Variants in FXYD3 observed in about 807,000 individuals in gnomAD.
FXYD3 encodes the protein FXYD domain containing ion transport regulator 3.
A neutral mutation model predicts 19.2 loss-of-function variants in FXYD3; 13 were observed. That is an observed-to-expected ratio of 0.68 (90% confidence interval 0.44 to 1.08). The LOEUF is 1.08. FXYD3 is among the 50% of genes least tolerant of loss of function. The pLI, the probability that FXYD3 is intolerant of heterozygous loss-of-function variation, is 0.00. For synonymous variants in FXYD3, 48 were observed against 38.9 expected (o/e 1.23, Z -0.87); for missense variants, 101 against 109.4 (o/e 0.92, Z 0.34).
At chr19:35,116,781 GACATT>G (rs2064897108) in intron 2 of FXYD3, 1 of 985,290 alleles carries the variant, frequency 1.0e-6, no homozygotes. Flanking sequence ...GGGGTGTCCA[GACATT>G]GAGGGATCTG....
intron 2 of FXYD3, chr19:35,116,627 G>A (rs1413509660): frequency 1.0e-6 from 1 of 985,214 alleles, no homozygotes; most frequent in Non-Finnish European, 1.2e-6. Flanking sequence ...AAAGACTAGT[G>A]TCTGCATGGA....
At chr19:35,122,247 C>T (rs1052212627) in intron 5 of FXYD3, among the ~76,000 whole-genome samples, 7 of 151,044 alleles carry the variant, frequency 4.6e-5, no homozygotes, top group East Asian at 2.0e-4. Context: ...CTCTGCCTCC[C>T]GGGTTCAAAT....
chr19:35,121,564 A>T, intron 5 of FXYD3: 1 of 1,398,706 alleles, frequency 7.1e-7, no homozygotes, highest in Non-Finnish European at 9.3e-7. Context: ...GAGCTATTGG[A>T]TCAAAACCCT....
At chr19:35,117,757 C>CAAAAA (rs67977522) in intron 2 of FXYD3, among the ~76,000 whole-genome samples, 10 of 65,712 alleles carry the variant, frequency 1.5e-4, no homozygotes, top group Admixed American at 2.1e-4. Flanking sequence ...TTTCTTCCCG[C>CAAAAA]AAAAAAAGGA....
At position 35,123,448 on chromosome 19, in the gene FXYD3, C is replaced by T. The variant is rs2065098292; in HGVS notation, c.255C>T (p.Ala85=). ...ETPPLITPGS[A]QS is the part of the protein sequence containing the mutation. ...CCCCATCACTTCCCGCAGGCTCAGC[C>T]CAAAGCTGATGAGGACAGACCAGCT... Residue 85 remains alanine (A), a synonymous_variant, in exon 9 of 9, where the codon GCC becomes GCT. Coordinates refer to ENST00000604404, the MANE Select transcript of FXYD3 (RefSeq NM_005971.4). 1 of 1,614,048 alleles carries T rather than the reference C, an allele frequency of 6.2e-7. No individual in the cohort carries two copies. The highest frequency in any genetic ancestry group is 8.5e-7 in the Non-Finnish European group (1 of 1,179,996).
intron 6 of FXYD3, 31 bp downstream of exon 6, chr19:35,122,870 G>A (rs1028908618): frequency 1.2e-6 from 2 of 1,613,836 alleles, no homozygotes; most frequent in Non-Finnish European, 1.7e-6. Flanking sequence ...GAGCAGGCGG[G>A]CCGGGGCTGG....
In FXYD3 at chr19:35,123,573, G is replaced by A; in HGVS notation, c.*116G>A. On this transcript the variant is annotated 3_prime_UTR_variant, in exon 9 of 9. Coordinates refer to ENST00000604404, the MANE Select transcript of FXYD3 (RefSeq NM_005971.4). ...CTTCCTCCTCTGCTGGGACTCCTTT[G>A]CATGGCAGGGCCTCATCTCACCTCT... 2 of 1,059,046 alleles carry A rather than the reference G, an allele frequency of 1.9e-6. No individual in the cohort carries two copies. Among genetic ancestry groups the A allele is most frequent in the Non-Finnish European group, 1.4e-6 (1 of 693,412 alleles). The allele number at this position is 1,059,046 out of a possible 1,614,324, so 65.6% of individuals were successfully genotyped here.
At chr19:35,119,708 T>C (rs879130644) in intron 3 of FXYD3, 2 of 484,186 alleles carry the variant, frequency 4.1e-6, no homozygotes, top group Admixed American at 7.3e-5. Context: ...GGAGTCTCTG[T>C]TGCTCAGGCT....
chr19:35,119,225 A>C lies in FXYD3; in HGVS notation c.-14-138A>C, dbSNP rs750618067. On this transcript the variant is annotated intron_variant, in intron 2 of 8. Coordinates refer to ENST00000604404, the MANE Select transcript of FXYD3 (RefSeq NM_005971.4). ...GCAGCTGCGGCTTATCTCTCAGCCC[A>C]GCGAGATGCCAGCCTTCCTGTCCCG... is the stretch of plus-strand genomic sequence containing the variant. 3.9e-5 allele frequency: 62 copies of C among 1,603,222 alleles called. No individual in the cohort carries two copies. Among genetic ancestry groups the C allele is most frequent in the Non-Finnish European group, 4.6e-5 (54 of 1,174,918 alleles).
chr19:35,121,696 A>T, intron 5 of FXYD3: 1 of 269,132 alleles, frequency 3.7e-6, no homozygotes, highest in South Asian at 1.0e-4. Context: ...CCAGCCTCAG[A>T]CCTCTGCACC....
rs2065106009 is a variant in FXYD3, at chr19:35,123,990, G to T, written c.*533G>T. The T allele has an allele frequency of 6.0e-6, 1 of 166,730 alleles. No individual in the cohort carries two copies. The highest frequency in any genetic ancestry group is 1.3e-5 in the Non-Finnish European group (1 of 75,572). The allele number at this position is 166,730 out of a possible 1,614,324, so 10.3% of individuals were successfully genotyped here. A position where few individuals can be genotyped will look rare whatever the true frequency, so the allele number is the denominator to read the frequency against. ...CGTCCCGCTATGATGGAAGTGTTCA[G>T]ACAGTTTATAATAGTAAGCCCCTGT... On this transcript the variant is annotated 3_prime_UTR_variant, in exon 9 of 9. Transcript: ENST00000604404.
At chr19:35,120,345 G>A (rs1015163401) in intron 3 of FXYD3, among the ~76,000 whole-genome samples, 2 of 152,044 alleles carry the variant, frequency 1.3e-5, no homozygotes, top group African/African-American at 4.8e-5. Context: ...TCACCATATT[G>A]GCCAGGCTGG....
At chr19:35,119,238 C>G (rs1292428505) in intron 2 of FXYD3, 125 bp from the exon 3 acceptor site, 3 of 1,610,182 alleles carry the variant, frequency 1.9e-6, no homozygotes, top group Non-Finnish European at 2.5e-6. Context: ...GAGATGCCAG[C>G]CTTCCTGTCC....
In FXYD3 at chr19:35,122,971, G is replaced by T. The variant is rs769438488; in HGVS notation, c.209+17G>T. 1 of 1,567,928 alleles carries T rather than the reference G, an allele frequency of 6.4e-7. No individual in the cohort carries two copies. Among genetic ancestry groups the T allele is most frequent in the Non-Finnish European group, 8.7e-7 (1 of 1,155,644 alleles). On this transcript the variant is annotated intron_variant, in intron 7 of 8. Coordinates refer to ENST00000604404, the MANE Select transcript of FXYD3 (RefSeq NM_005971.4). The stretch of plus-strand genomic sequence containing the variant: ...GAAGTCCGGGTAAGATACTGTTCCG[G>T]CATGCCCGCCTCAGGCTGACTGGAC...
intron 2 of FXYD3, chr19:35,118,261 C>T (rs568829107): frequency 6.4e-6 from 1 of 156,878 alleles, no homozygotes; most frequent in South Asian, 2.0e-4. Context: ...GAGGCTGAGG[C>T]AGGAGAATCA....
chr19:35,121,222 A>G lies in FXYD3; in HGVS notation c.74A>G (p.Asp25Gly), dbSNP rs1465622000. The G allele has an allele frequency of 5.0e-6, 8 of 1,613,902 alleles. No homozygotes were observed. Among genetic ancestry groups the G allele is most frequent in the South Asian group, 1.1e-5 (1 of 91,084 alleles). ...FPVLDANDLE[D>G]KNSPFYYDWH... ...CATGATCTTTTTTCTTTCCTTGCAG[A>G]TAAAAACAGTCCTTTCTACTATGGT... The change falls in exon 5 of 9, where the codon GAT becomes GGT. Residue 25 changes from aspartate to glycine, a missense_variant and splice_region_variant. By Grantham distance (94) the Asp-to-Gly change is moderately conservative. Coordinates refer to ENST00000604404, the MANE Select transcript of FXYD3 (RefSeq NM_005971.4).
chr19:35,118,439 G>A, intron 2 of FXYD3: 1 of 988,136 alleles, frequency 1.0e-6, no homozygotes, highest in South Asian at 4.7e-5. Context: ...GCAGGGGAGG[G>A]CATGCTCGGA....
intron 5 of FXYD3, 155 bp downstream of exon 5, chr19:35,121,400 A>G: frequency 6.3e-7 from 1 of 1,578,106 alleles, no homozygotes; most frequent in South Asian, 1.2e-5. Flanking sequence ...CAGTGGATTA[A>G]AGGAACTAGA....
At chr19:35,121,484 A>C (rs1255805752) in intron 5 of FXYD3, 11 of 1,442,386 alleles carry the variant, frequency 7.6e-6, no homozygotes, top group Non-Finnish European at 1.0e-5. Context: ...ACAGTTTGCA[A>C]GAAGCCATTG....
Sources: gnomAD v4.1 joint callset for allele counts (sites outside exome capture counted in the v4.1 genomes callset) on GRCh38, gnomAD v4.1.1 for gene constraint, MANE v1.5 for transcripts, NCBI Gene and HGNC (gene_info 2026-07-23, HGNC 2026-07-21) for gene names.